The following ACOXL variants were observed in gnomAD, a reference collection of about 807,000 sequenced individuals.
ACOXL encodes acyl-CoA oxidase like.
In ACOXL, 70 loss-of-function variants were observed where a neutral mutation model predicts 71.9. The ratio of observed to expected loss-of-function variants is 0.97; its 90% CI spans 0.80 to 1.19. The LOEUF (loss-of-function observed/expected upper bound fraction) is 1.19. Among genes scored for constraint, ACOXL ranks in the 50% most tolerant of loss-of-function variants. ACOXL has a pLI of 0.00. For synonymous variants in ACOXL, 253 were observed against 281.6 expected (o/e 0.90, Z 1.02); for missense variants, 703 against 736.3 (o/e 0.95, Z 0.52).
At chr2:110,863,088 C>A (rs912126138) in intron 10 of ACOXL, among the ~76,000 whole-genome samples, 1 of 152,174 alleles carries the variant, frequency 6.6e-6, no homozygotes, top group African/African-American at 2.4e-5. Context: ...ATAAAAAGGA[C>A]CTTTAGAATC....
In ACOXL at chr2:111,002,455, A is replaced by T. The variant is rs560135748; in HGVS notation, c.1281+6451A>T. On this transcript the variant is annotated intron_variant, in intron 14 of 17. Coordinates refer to ENST00000439055, the MANE Select transcript of ACOXL (RefSeq NM_001142807.4). Reference sequence around the variant, plus strand: ...TTCCATTTAATAATATAATGTGGTTATCTTTCTATGTCAATAAAAACATGA... The same window carrying T: ...TTCCATTTAATAATATAATGTGGTTTTCTTTCTATGTCAATAAAAACATGA... 4.6e-5 allele frequency among the ~76,000 whole-genome samples: 7 copies of T among 152,344 alleles called. No homozygotes were observed. In the East Asian group the frequency reaches 1.2e-3, roughly 25 times the overall value.
chr2:111,102,996 G>A (rs1338596665), intron 17 of ACOXL, among the ~76,000 whole-genome samples: 1 of 152,082 alleles, frequency 6.6e-6, no homozygotes, highest in Non-Finnish European at 1.5e-5. Context: ...ACCATTAAAA[G>A]ATAGCACATA....
At position 110,799,117 on chromosome 2, in the gene ACOXL, C is replaced by T. The variant is rs762803582; in HGVS notation, c.547+17C>T. Reference sequence around the variant, plus strand: ...ACAAGGAGGGTGAGTCCCCAGGTGCCCTTTTCCTGTGCTCACTCTTCCTAC... The same window carrying T: ...ACAAGGAGGGTGAGTCCCCAGGTGCTCTTTTCCTGTGCTCACTCTTCCTAC... On this transcript the variant is annotated intron_variant, in intron 7 of 17. Coordinates refer to ENST00000439055, the MANE Select transcript of ACOXL (RefSeq NM_001142807.4). 5.6e-6 allele frequency: 9 copies of T among 1,610,950 alleles called. No homozygotes were observed. The Admixed American group carries it at 1.2e-4, about 21-fold the overall frequency.
At chr2:110,917,931 C>A (rs1382425509) in intron 11 of ACOXL, among the ~76,000 whole-genome samples, 1 of 152,160 alleles carries the variant, frequency 6.6e-6, no homozygotes, top group Non-Finnish European at 1.5e-5. Flanking sequence ...AAAAAACATT[C>A]CATGCTTATG....
rs553779346 is a variant in ACOXL at position 110,805,570 on chromosome 2, C to T, written c.753+175C>T. On this transcript the variant is annotated intron_variant, in intron 9 of 17. Coordinates refer to ENST00000439055, the MANE Select transcript of ACOXL (RefSeq NM_001142807.4). Reference sequence around the variant, plus strand: ...CCATCCACAGGGAACTTTTCTCCACCCTTCTTAAGAGGGGCTCCCACCCAT... The same window carrying T: ...CCATCCACAGGGAACTTTTCTCCACTCTTCTTAAGAGGGGCTCCCACCCAT... Among the ~76,000 whole-genome samples the T allele has an allele frequency of 2.7e-3, 404 of 152,204 alleles. 3 individuals carry two copies. The highest frequency in any genetic ancestry group is 9.1e-3 in the African/African-American group (379 of 41,508).
At chr2:110,733,994 A>G (rs1676522275) in intron 1 of ACOXL, among the ~76,000 whole-genome samples, 2 of 152,216 alleles carry the variant, frequency 1.3e-5, no homozygotes, top group African/African-American at 4.8e-5. Flanking sequence ...CATGATGTGT[A>G]GTATTCCAGC....
chr2:111,042,900 CAA>C (rs894380433), intron 15 of ACOXL, among the ~76,000 whole-genome samples: 6 of 152,128 alleles, frequency 3.9e-5, no homozygotes, highest in Admixed American at 3.9e-4. Flanking sequence ...CAAAGATCTG[CAA>C]AGAGGTCGTG....
chr2:110,806,191 C>T (rs981548701), intron 9 of ACOXL, among the ~76,000 whole-genome samples: 4 of 152,328 alleles, frequency 2.6e-5, no homozygotes, highest in South Asian at 2.1e-4. Flanking sequence ...GCTTCGGGGT[C>T]GGCCACGCTT....
intron 10 of ACOXL, among the ~76,000 whole-genome samples, chr2:110,885,832 G>A (rs532905195): frequency 1.1e-4 from 17 of 152,226 alleles, no homozygotes; most frequent in Admixed American, 8.5e-4. Context: ...TATTTCTTTT[G>A]GAATATGGCT....
chr2:110,818,393 C>T (rs1270699734), intron 9 of ACOXL, among the ~76,000 whole-genome samples: 3 of 52,342 alleles, frequency 5.7e-5, no homozygotes, highest in Non-Finnish European at 1.1e-4. Context: ...GACTCTGTCT[C>T]AAAAAAAAAA....
intron 9 of ACOXL, among the ~76,000 whole-genome samples, chr2:110,824,104 A>G (rs1164122723): frequency 6.6e-6 from 1 of 152,310 alleles, no homozygotes; most frequent in East Asian, 1.9e-4. Flanking sequence ...GTTCTTGACC[A>G]ATTTAAGGGA....
At chr2:111,087,060 C>T (rs980136803) in intron 16 of ACOXL, among the ~76,000 whole-genome samples, 1 of 152,038 alleles carries the variant, frequency 6.6e-6, no homozygotes, top group South Asian at 2.1e-4. Context: ...ACAATGGACA[C>T]AAAAAGAAGA....
At chr2:111,015,490 C>T (rs2064382381) in intron 14 of ACOXL, among the ~76,000 whole-genome samples, 1 of 152,260 alleles carries the variant, frequency 6.6e-6, no homozygotes, top group Non-Finnish European at 1.5e-5. Flanking sequence ...TGCTACAAAG[C>T]AACCAAAGCT....
intron 1 of ACOXL, among the ~76,000 whole-genome samples, chr2:110,750,600 T>C (rs1024712898): frequency 1.3e-5 from 2 of 148,710 alleles, no homozygotes; most frequent in Non-Finnish European, 3.0e-5. Context: ...TTACATATTA[T>C]ACATATTATA....
At chr2:111,078,392 T>C (rs1190580248) in intron 16 of ACOXL, among the ~76,000 whole-genome samples, 1 of 152,114 alleles carries the variant, frequency 6.6e-6, no homozygotes, top group East Asian at 1.9e-4. Flanking sequence ...GCCTCCCAAG[T>C]AGCTGGGATT....
In ACOXL at chr2:111,061,528, T is replaced by G. The variant is rs528238402; in HGVS notation, c.1440+12240T>G. Reference sequence around the variant, plus strand: ...AGTTCTCTAAACAGAAGGGACATGATGAAAGAAGGAATCAAGAATCATCAG... The same window carrying G: ...AGTTCTCTAAACAGAAGGGACATGAGGAAAGAAGGAATCAAGAATCATCAG... On this transcript the variant is annotated intron_variant, in intron 16 of 17. Transcript: ENST00000439055. Among the ~76,000 whole-genome samples, 8 of 152,176 alleles carry G rather than the reference T, an allele frequency of 5.3e-5. No individual in the cohort carries two copies. In the East Asian group the frequency reaches 1.5e-3, roughly 29 times the overall value.
In ACOXL at chr2:110,955,520, C is replaced by T. The variant is rs991736579; in HGVS notation, c.1059+21878C>T. ...GGAGTCATCTTTTAAAATCACAAAT[C>T]ATCTGACTCCAAAGCTTAGAATTTA... On this transcript the variant is annotated intron_variant, in intron 12 of 17. Transcript: ENST00000439055. Among the ~76,000 whole-genome samples the T allele has an allele frequency of 2.0e-5, 3 of 151,522 alleles. 1 individual carries two copies. Among genetic ancestry groups the T allele is most frequent in the Non-Finnish European group, 4.4e-5 (3 of 67,952 alleles).
intron 9 of ACOXL, among the ~76,000 whole-genome samples, chr2:110,840,715 C>G (rs1691065138): frequency 6.6e-6 from 1 of 152,170 alleles, no homozygotes; most frequent in Admixed American, 6.5e-5. Context: ...ACAGCTTCAC[C>G]TCAACCTCCA....
intron 9 of ACOXL, among the ~76,000 whole-genome samples, chr2:110,825,664 A>G (rs1689082898): frequency 6.6e-6 from 1 of 152,156 alleles, no homozygotes; most frequent in African/African-American, 2.4e-5. Flanking sequence ...ATAGTAGTCC[A>G]CTATAAGCAG....
Sources: gnomAD v4.1 joint callset for allele counts (sites outside exome capture counted in the v4.1 genomes callset) on GRCh38, gnomAD v4.1.1 for gene constraint, MANE v1.5 for transcripts, NCBI Gene and HGNC (gene_info 2026-07-23, HGNC 2026-07-21) for gene names.